The following TYW1 variants were observed in gnomAD, a reference collection of about 807,000 sequenced individuals.
TYW1 encodes tRNA-yW synthesizing protein 1 homolog.
TYW1 carries 46 observed loss-of-function variants against 96.2 expected under a neutral mutation model. The ratio of observed to expected loss-of-function variants is 0.48; its 90% CI spans 0.38 to 0.61. The LOEUF is 0.61. TYW1 is among the 20% of genes least tolerant of loss of function. The pLI, the probability that TYW1 is intolerant of heterozygous loss-of-function variation, is 0.00. For missense variants in TYW1, 684 were observed against 909.6 expected (o/e 0.75, Z 3.19); for synonymous variants, 274 against 323.0 (o/e 0.85, Z 1.63).
intron 11 of TYW1, among the ~76,000 whole-genome samples, chr7:67,084,103 C>A (rs552886847): frequency 6.6e-6 from 1 of 152,324 alleles, no homozygotes; most frequent in South Asian, 2.1e-4. Flanking sequence ...AAAGCTTTAC[C>A]TGGGAATGTA....
At position 67,238,501 on chromosome 7, in the gene TYW1, A is replaced by G. The variant is rs551238088; in HGVS notation, c.2171A>G (p.Asn724Ser). 8 of 1,613,962 alleles carry G rather than the reference A, an allele frequency of 5.0e-6. No individual in the cohort carries two copies. The East Asian group carries it at 1.8e-4, about 36-fold the overall frequency. The change falls in exon 16 of 16, where the codon AAC becomes AGC. Residue 724 changes from asparagine (N) to serine (S), a missense_variant. Physicochemically the swap from Asn to Ser is conservative, Grantham distance 46. Transcript: ENST00000359626. ...AAGGACACAAGACATCAGAGAAAGA[A>G]CAAATCAAAGGCTATTTCTGGATGT... The part of the protein sequence containing the change: ...DPKDTRHQRK[N>S]KSKAISGC
intron 6 of TYW1, among the ~76,000 whole-genome samples, chr7:67,019,776 G>T (rs550918223): frequency 6.6e-6 from 1 of 152,416 alleles, no homozygotes; most frequent in Admixed American, 6.5e-5. Context: ...AGGAGTGGTC[G>T]ATACCAAGTT....
intron 12 of TYW1, among the ~76,000 whole-genome samples, chr7:67,104,018 T>C (rs576077410): frequency 1.6e-4 from 25 of 152,340 alleles, no homozygotes; most frequent in Middle Eastern, 3.4e-3. Context: ...ATTTTTTATT[T>C]TTTTAATTAG....
At chr7:67,168,210 A>G (rs1251902661) in intron 13 of TYW1, among the ~76,000 whole-genome samples, 2 of 151,642 alleles carry the variant, frequency 1.3e-5, no homozygotes, top group African/African-American at 4.9e-5. Flanking sequence ...TAATATGGTG[A>G]ATTGCATTGA....
At chr7:67,199,467 T>C (rs182952704) in intron 15 of TYW1, among the ~76,000 whole-genome samples, 6 of 152,322 alleles carry the variant, frequency 3.9e-5, no homozygotes, top group African/African-American at 1.2e-4. Flanking sequence ...CAATGCAGTA[T>C]CTCGCTTCTT....
intron 15 of TYW1, 55 bp downstream of exon 15, chr7:67,195,392 T>C (rs1379561279): frequency 1.9e-5 from 30 of 1,604,518 alleles, no homozygotes; most frequent in Non-Finnish European, 2.6e-5. Flanking sequence ...TGTTCTTTCC[T>C]TCTCTTCTCT....
intron 10 of TYW1, among the ~76,000 whole-genome samples, chr7:67,079,693 T>C (rs1303568995): frequency 1.3e-5 from 2 of 152,166 alleles, no homozygotes; most frequent in African/African-American, 2.4e-5. Context: ...TAGATTGATA[T>C]TTGAAATGAT....
chr7:67,100,510 C>T (rs1432888354), intron 12 of TYW1, among the ~76,000 whole-genome samples: 2 of 151,426 alleles, frequency 1.3e-5, no homozygotes, highest in African/African-American at 4.9e-5. Context: ...TTTTTGAATT[C>T]AAGTTTGTTT....
intron 15 of TYW1, among the ~76,000 whole-genome samples, chr7:67,218,584 C>G (rs1190759652): frequency 3.9e-5 from 6 of 152,160 alleles, no homozygotes; most frequent in Non-Finnish European, 7.3e-5. Flanking sequence ...AACTCCTGAG[C>G]TCAAGCAATC....
intron 9 of TYW1, among the ~76,000 whole-genome samples, chr7:67,059,797 A>C (rs1795639365): frequency 3.3e-5 from 5 of 151,120 alleles, no homozygotes; most frequent in Admixed American, 2.0e-4. Context: ...TTTTGAGACA[A>C]AGTGTTTCTC....
At chr7:67,071,387 GAA>G (rs753121317) in intron 10 of TYW1, among the ~76,000 whole-genome samples, 3 of 128,502 alleles carry the variant, frequency 2.3e-5, no homozygotes, top group Admixed American at 7.8e-5. Context: ...AAAAAAATTG[GAA>G]AAAAAAAAAA....
Position 67,238,261 on chromosome 7 carries a change from T to C in TYW1, c.1978-47T>C, listed in dbSNP as rs759434632. 9.5e-6 allele frequency: 15 copies of C among 1,583,114 alleles called. No individual in the cohort carries two copies. The Admixed American group carries it at 2.6e-4, about 27-fold the overall frequency. ...ATTTTAAAAACATTCATTTTTTTTT[T>C]CTAGGGATGTTTTTACTTCTGACTT... On this transcript the variant is annotated intron_variant, in intron 15 of 15. Coordinates refer to ENST00000359626, the MANE Select transcript of TYW1 (RefSeq NM_018264.4).
chr7:67,126,895 T>A (rs1341835292), intron 13 of TYW1, among the ~76,000 whole-genome samples: 1 of 152,176 alleles, frequency 6.6e-6, no homozygotes, highest in Admixed American at 6.5e-5. Context: ...TAACATCTAC[T>A]GTATTTGTTA....
intron 13 of TYW1, among the ~76,000 whole-genome samples, chr7:67,128,690 G>GTTTT (rs59475781): frequency 2.2e-5 from 3 of 137,048 alleles, no homozygotes; most frequent in Non-Finnish European, 4.7e-5. Flanking sequence ...AGGTCTCAGT[G>GTTTT]TTTTTTTTTT....
intron 14 of TYW1, among the ~76,000 whole-genome samples, chr7:67,192,142 C>T (rs1225603822): frequency 9.9e-5 from 15 of 151,746 alleles, no homozygotes; most frequent in African/African-American, 3.1e-4. Flanking sequence ...GTGATCTGCC[C>T]GCCTCAGCCT....
chr7:67,184,004 C>T (rs62464978), intron 14 of TYW1, among the ~76,000 whole-genome samples: 6,164 of 151,718 alleles, frequency 0.041, 183 homozygotes, highest in Middle Eastern at 0.1. Flanking sequence ...TTTTTTGTAG[C>T]GAGAAGGTCT....
intron 4 of TYW1, among the ~76,000 whole-genome samples, chr7:67,011,533 G>A (rs1319488364): frequency 6.6e-6 from 1 of 152,182 alleles, no homozygotes; most frequent in East Asian, 1.9e-4. Flanking sequence ...TAGCTGCATC[G>A]TAGAGCTTAA....
At chr7:67,217,176 G>T (rs1416214494) in intron 15 of TYW1, among the ~76,000 whole-genome samples, 1 of 151,978 alleles carries the variant, frequency 6.6e-6, no homozygotes, top group Non-Finnish European at 1.5e-5. Context: ...TCCCTTACCA[G>T]ATACATCATT....
chr7:67,077,801 TC>T, intron 10 of TYW1, among the ~76,000 whole-genome samples: 1 of 152,250 alleles, frequency 6.6e-6, no homozygotes, highest in Non-Finnish European at 1.5e-5. Context: ...GAAGTTCTAT[TC>T]ATAAAATCAT....
Sources: allele counts gnomAD v4.1 joint callset (sites outside exome capture counted in the v4.1 genomes callset), GRCh38; gene constraint gnomAD v4.1.1; transcripts MANE v1.5; gene names NCBI Gene and HGNC (gene_info 2026-07-23, HGNC 2026-07-21).